KLF17: variants seen among roughly 807,000 people sequenced by gnomAD.
The protein encoded by KLF17 is Krueppel-like factor 17.
Under a neutral mutation model 34.2 loss-of-function variants are expected in KLF17, and 31 were observed. The ratio of observed to expected loss-of-function variants is 0.91; its 90% CI spans 0.68 to 1.22. The LOEUF is 1.22. KLF17 is among the 50% of genes most tolerant of loss of function. The pLI is 0.00. For missense variants in KLF17, 478 were observed against 505.2 expected, an observed-to-expected ratio of 0.95 and a Z score of 0.52; for synonymous variants, 179 against 186.7, an observed-to-expected ratio of 0.96 and a Z score of 0.34.
chr1:44,081,108 T>A, the KLF17 span, among the ~76,000 whole-genome samples: 41 of 151,050 alleles, frequency 2.7e-4, no homozygotes, highest in Non-Finnish European at 5.9e-5. Flanking sequence ...TATACCACTG[T>A]AAGATAGAGT....
At chr1:44,060,455 A>G in the KLF17 span, among the ~76,000 whole-genome samples, 1 of 152,096 alleles carries the variant, frequency 6.6e-6, no homozygotes, top group African/African-American at 2.4e-5. Flanking sequence ...GTGACAGAGT[A>G]AGACTCTGTC....
At chr1:44,125,743 C>T (rs1210140263) in intron 1 of KLF17, among the ~76,000 whole-genome samples, 1 of 152,218 alleles carries the variant, frequency 6.6e-6, no homozygotes, top group Non-Finnish European at 1.5e-5. Flanking sequence ...GTTGGAATTA[C>T]AGGCATGAGC....
In KLF17 at chr1:44,130,701, C is replaced by CACAGGCCA; in HGVS notation, c.1119_1126dup (p.Asn376ArgfsTer19). 1.2e-6 allele frequency: 2 copies of CACAGGCCA among 1,608,140 alleles called. No homozygotes were observed. The highest frequency in any genetic ancestry group is 3.4e-5 in the Admixed American group (2 of 58,800). On this transcript the variant is annotated frameshift_variant, in exon 3 of 4. Coordinates refer to ENST00000372299, the MANE Select transcript of KLF17 (RefSeq NM_173484.4). LOFTEE classifies it high-confidence loss of function. ...ACTCATCGGCCGGGACCCTCAGACCCACAGGCCAACAACAACAATGGAGAG... is the reference window on the plus strand; with the variant it reads ...ACTCATCGGCCGGGACCCTCAGACCCACAGGCCAACAGGCCAACAACAACAATGGAGAG...
At chr1:44,101,541 G>T in the KLF17 span, 1 of 152,118 alleles carries the variant, frequency 6.6e-6, no homozygotes, top group Non-Finnish European at 1.5e-5. Flanking sequence ...ATTAATTCGA[G>T]TTATGCATTT....
At chr1:44,099,902 AAAG>A in the KLF17 span, among the ~76,000 whole-genome samples, 4 of 65,090 alleles carry the variant, frequency 6.1e-5, 1 homozygote, top group East Asian at 8.9e-4. Context: ...AGAAAGAAAG[AAAG>A]AAAGAAAGAA....
chr1:44,044,552 G>C, the KLF17 span: 1 of 152,280 alleles, frequency 6.6e-6, no homozygotes, highest in Non-Finnish European at 1.5e-5. Context: ...TGTAACACCT[G>C]AAGACAGGGG....
upstream of KLF17, among the ~76,000 whole-genome samples, chr1:44,117,741 C>T (rs929399580): frequency 1.4e-4 from 21 of 152,150 alleles, no homozygotes; most frequent in East Asian, 2.3e-3. Context: ...GTGATCTGCC[C>T]GCCTCAGCCT....
At chr1:44,117,813 T>C (rs1011369919), upstream of KLF17, among the ~76,000 whole-genome samples, 1 of 152,196 alleles carries the variant, frequency 6.6e-6, no homozygotes, top group Non-Finnish European at 1.5e-5. Flanking sequence ...TTTAGATTTC[T>C]AACTGGTGTC....
chr1:44,066,431 G>T, the KLF17 span, among the ~76,000 whole-genome samples: 6 of 136,544 alleles, frequency 4.4e-5, no homozygotes, highest in African/African-American at 1.4e-4. Flanking sequence ...TTGATATGTT[G>T]CCTAGGCTGG....
the KLF17 span, chr1:44,076,366 C>A: frequency 3.9e-5 from 6 of 152,268 alleles, no homozygotes; most frequent in Admixed American, 3.9e-4. Flanking sequence ...AGGCAGCAAT[C>A]AGCACAATAA....
chr1:44,056,222 C>T, the KLF17 span, among the ~76,000 whole-genome samples: 2 of 152,322 alleles, frequency 1.3e-5, no homozygotes, highest in Admixed American at 1.3e-4. Flanking sequence ...TCTCCAGCCT[C>T]ACTAGGGAAG....
At chr1:44,109,001 G>T in the KLF17 span, among the ~76,000 whole-genome samples, 3 of 152,054 alleles carry the variant, frequency 2.0e-5, no homozygotes, top group Non-Finnish European at 4.4e-5. Context: ...TTGTTTATTT[G>T]TGAGATCAAG....
At chr1:44,115,586 T>G (rs2087873031), upstream of KLF17, 1 of 152,150 alleles carries the variant, frequency 6.6e-6, no homozygotes, top group Non-Finnish European at 1.5e-5. Context: ...TTACTGAATT[T>G]GAATAAAAAT....
At chr1:44,061,047 C>A in the KLF17 span, 1 of 152,172 alleles carries the variant, frequency 6.6e-6, no homozygotes, top group Non-Finnish European at 1.5e-5. Context: ...TCTCCTAGGA[C>A]CTTTGATAGC....
the KLF17 span, among the ~76,000 whole-genome samples, chr1:44,073,309 C>T: frequency 2.0e-5 from 3 of 150,802 alleles, no homozygotes; most frequent in African/African-American, 7.3e-5. Context: ...TGGGTTCAAG[C>T]GATTCTCCAG....
intron 3 of KLF17, among the ~76,000 whole-genome samples, chr1:44,132,998 T>G (rs2088129088): frequency 6.6e-6 from 1 of 152,184 alleles, no homozygotes. Context: ...AGATGGTGCC[T>G]TCTATGGGTG....
intron 1 of KLF17, among the ~76,000 whole-genome samples, chr1:44,120,136 G>T (rs974028281): frequency 4.6e-5 from 7 of 152,200 alleles, no homozygotes; most frequent in African/African-American, 1.4e-4. Context: ...AGAGAGTGAA[G>T]GATGAGAAGG....
the KLF17 span, among the ~76,000 whole-genome samples, chr1:44,097,421 T>TG: frequency 6.6e-6 from 1 of 152,170 alleles, no homozygotes; most frequent in African/African-American, 2.4e-5. Context: ...GGTAGCTTGA[T>TG]GGGGATAGCA....
At chr1:44,098,161 G>C in the KLF17 span, among the ~76,000 whole-genome samples, 16 of 151,986 alleles carry the variant, frequency 1.1e-4, no homozygotes, top group African/African-American at 3.9e-4. Context: ...TGTTTATTCA[G>C]GTTTAGGATT....
Sources: gnomAD v4.1 joint callset for allele counts (sites outside exome capture counted in the v4.1 genomes callset) on GRCh38, gnomAD v4.1.1 for gene constraint, MANE v1.5 for transcripts, NCBI Gene and HGNC (gene_info 2026-07-23, HGNC 2026-07-21) for gene names.